The following CNGB3 variants were observed in gnomAD, a reference collection of about 807,000 sequenced individuals.
CNGB3 encodes the protein cyclic nucleotide-gated channel beta-3.
CNGB3 carries 86 observed loss-of-function variants against 92.8 expected under a neutral mutation model. The observed-to-expected ratio is 0.93, with a 90% confidence interval of 0.78 to 1.11. CNGB3 has a LOEUF of 1.11. Among genes scored for constraint, CNGB3 ranks in the 50% least tolerant of loss-of-function variants. CNGB3 has a pLI of 0.00. For synonymous variants in CNGB3, 333 were observed against 332.7 expected (o/e 1.00, Z -0.01); for missense variants, 1,026 against 956.8 (o/e 1.07, Z -0.95).
intron 3 of CNGB3, among the ~76,000 whole-genome samples, chr8:86,719,619 C>G (rs1267198574): frequency 3.3e-5 from 5 of 152,050 alleles, no homozygotes; most frequent in Admixed American, 3.3e-4. Flanking sequence ...ATACCACCAT[C>G]ATTCTTCACA....
At chr8:86,662,150 G>A (rs930246443) in intron 6 of CNGB3, among the ~76,000 whole-genome samples, 1 of 152,204 alleles carries the variant, frequency 6.6e-6, no homozygotes, top group Admixed American at 6.5e-5. Context: ...GCCGCACACC[G>A]CAACCCGTAT....
intron 6 of CNGB3, among the ~76,000 whole-genome samples, chr8:86,663,098 G>T (rs937948749): frequency 1.3e-5 from 2 of 152,178 alleles, no homozygotes; most frequent in Non-Finnish European, 2.9e-5. Context: ...TATGAGTAAA[G>T]TGTAGGAAAC....
chr8:86,578,191 G>A (rs1821694768), intron 17 of CNGB3, among the ~76,000 whole-genome samples: 1 of 152,116 alleles, frequency 6.6e-6, no homozygotes, highest in African/African-American at 2.4e-5. Flanking sequence ...TTACAGGTGT[G>A]AGCCACCGCA....
At chr8:86,724,476 C>G (rs563000012) in intron 3 of CNGB3, among the ~76,000 whole-genome samples, 31 of 152,176 alleles carry the variant, frequency 2.0e-4, no homozygotes, top group African/African-American at 7.2e-4. Flanking sequence ...TCAATCAATT[C>G]ATTTGTTAAA....
At position 86,695,827 on chromosome 8, in the gene CNGB3, C is replaced by T. The variant is rs537592415; in HGVS notation, c.339-24729G>A. Among the ~76,000 whole-genome samples the T allele has an allele frequency of 3.2e-3, 480 of 152,240 alleles. 2 individuals carry two copies. Among genetic ancestry groups the T allele is most frequent in the Non-Finnish European group, 5.2e-3 (351 of 68,026 alleles). ...AGGGCTGCTGTTCAGATTCTGTTGT[C>T]CCATGGAGTAATCCCTTGATTTGGT... On this transcript the variant is annotated intron_variant, in intron 3 of 17. Transcript: ENST00000320005.
intron 7 of CNGB3, among the ~76,000 whole-genome samples, chr8:86,648,617 A>G (rs1823337078): frequency 1.3e-5 from 2 of 151,272 alleles, no homozygotes; most frequent in Admixed American, 6.6e-5. Flanking sequence ...CATACTTCAT[A>G]CTTTCTTGAT....
intron 3 of CNGB3, among the ~76,000 whole-genome samples, chr8:86,682,820 G>A (rs1037000427): frequency 6.6e-6 from 1 of 152,148 alleles, no homozygotes; most frequent in Non-Finnish European, 1.5e-5. Flanking sequence ...GGGGGAAGAA[G>A]TCAGGGTGCC....
At chr8:86,579,040 C>T in intron 16 of CNGB3, 66 bp downstream of exon 16, 1 of 1,595,436 alleles carries the variant, frequency 6.3e-7, no homozygotes, top group African/African-American at 1.3e-5. Flanking sequence ...TACGGTTCTC[C>T]CTATCTCAGA....
intron 12 of CNGB3, among the ~76,000 whole-genome samples, chr8:86,627,101 AT>A (rs35587099): frequency 0.98 from 148,638 of 151,902 alleles, 72,731 homozygotes; most frequent in East Asian, 1. Flanking sequence ...CTGAGAGTTG[AT>A]TTTTTTTTAA....
chr8:86,692,727 A>G (rs1353249758), intron 3 of CNGB3, among the ~76,000 whole-genome samples: 1 of 152,118 alleles, frequency 6.6e-6, no homozygotes, highest in African/African-American at 2.4e-5. Flanking sequence ...TTTACATTCA[A>G]TATTAGTATT....
chr8:86,585,311 A>ATG (rs1308068959), intron 15 of CNGB3, among the ~76,000 whole-genome samples: 6 of 151,842 alleles, frequency 4.0e-5, no homozygotes, highest in African/African-American at 1.5e-4. Flanking sequence ...ATTTGTGTGT[A>ATG]TGTATATATA....
At chr8:86,696,949 T>A (rs1441401097) in intron 3 of CNGB3, among the ~76,000 whole-genome samples, 1 of 152,136 alleles carries the variant, frequency 6.6e-6, no homozygotes, top group Non-Finnish European at 1.5e-5. Flanking sequence ...ACCCTCATGA[T>A]AAGCTCAAAT....
rs139998296 is a variant in CNGB3, at chr8:86,626,165, A to G, written c.1481-85T>C. The stretch of plus-strand genomic sequence containing the variant: ...AGGTACAAGTAGAAAAATTTTTAAA[A>G]TAAAGGAAACAAAATGCAAACACTT... On this transcript the variant is annotated intron_variant, in intron 12 of 17. Transcript: ENST00000320005. 221 of 1,015,736 alleles carry G rather than the reference A, an allele frequency of 2.2e-4. No individual in the cohort carries two copies. The African/African-American group carries it at 3.1e-3, about 14-fold the overall frequency. 62.9% of individuals were successfully genotyped at this position (1,015,736 alleles called of 1,614,324 possible).
intron 7 of CNGB3, among the ~76,000 whole-genome samples, chr8:86,652,712 T>C (rs1823430389): frequency 6.6e-6 from 1 of 152,064 alleles, no homozygotes; most frequent in Non-Finnish European, 1.5e-5. Flanking sequence ...CTGGAAGGTC[T>C]TCAGGCTCCA....
chr8:86,645,659 G>A (rs764471563), intron 8 of CNGB3, among the ~76,000 whole-genome samples: 1 of 151,240 alleles, frequency 6.6e-6, no homozygotes, highest in Non-Finnish European at 1.5e-5. Context: ...ATATGTAATA[G>A]TAATGACTAT....
intron 15 of CNGB3, among the ~76,000 whole-genome samples, chr8:86,580,134 C>G (rs1821733941): frequency 7.1e-6 from 1 of 140,342 alleles, no homozygotes; most frequent in Non-Finnish European, 1.5e-5. Context: ...AAGGAAGTGC[C>G]ACACTTTAAA....
intron 10 of CNGB3, among the ~76,000 whole-genome samples, chr8:86,637,284 T>C (rs1823090502): frequency 6.6e-6 from 1 of 152,224 alleles, no homozygotes; most frequent in South Asian, 2.1e-4. Flanking sequence ...TATTCATTTA[T>C]TTCTGGGCTC....
chr8:86,658,031 C>T (rs1823549240), intron 6 of CNGB3: 1 of 544,840 alleles, frequency 1.8e-6, no homozygotes, highest in Admixed American at 2.0e-5. Flanking sequence ...TCCACCTTCT[C>T]CTGCATGAGC....
intron 3 of CNGB3, among the ~76,000 whole-genome samples, chr8:86,702,555 A>C (rs1563760398): frequency 6.6e-6 from 1 of 152,060 alleles, no homozygotes; most frequent in East Asian, 1.9e-4. Context: ...CCTGATACCT[A>C]CTCATTGGTT....
Sources: gnomAD v4.1 joint callset for allele counts (sites outside exome capture counted in the v4.1 genomes callset) on GRCh38, gnomAD v4.1.1 for gene constraint, MANE v1.5 for transcripts, NCBI Gene and HGNC (gene_info 2026-07-23, HGNC 2026-07-21) for gene names.